CARMIL1: variants seen among roughly 807,000 people sequenced by gnomAD.
CARMIL1 encodes the protein F-actin-uncapping protein LRRC16A.
In CARMIL1, 90 loss-of-function variants were observed where a neutral mutation model predicts 177.1. The observed-to-expected ratio is 0.51, with a 90% CI of 0.43 to 0.61. The LOEUF (loss-of-function observed/expected upper bound fraction) is 0.61. CARMIL1 is among the 20% of genes least tolerant of loss of function. The probability of loss-of-function intolerance (pLI) is 0.00; values close to 1 mark genes in which losing one functional copy is unlikely to be tolerated. For synonymous variants in CARMIL1, 577 were observed against 606.2 expected (o/e 0.95, Z 0.71); for missense variants, 1,380 against 1,667.0 (o/e 0.83, Z 3.00).
intron 11 of CARMIL1, among the ~76,000 whole-genome samples, chr6:25,481,031 C>T (rs949962352): frequency 1.3e-5 from 2 of 151,460 alleles, no homozygotes; most frequent in African/African-American, 4.9e-5. Flanking sequence ...TCTTTTTTGC[C>T]TTTTAGATTA....
At chr6:25,302,205 C>G (rs1327267015) in intron 2 of CARMIL1, among the ~76,000 whole-genome samples, 1 of 152,154 alleles carries the variant, frequency 6.6e-6, no homozygotes, top group Admixed American at 6.5e-5. Flanking sequence ...CCTGTCTTTC[C>G]TATTAGAACC....
chr6:25,476,561 A>C (rs984551309), intron 11 of CARMIL1, among the ~76,000 whole-genome samples: 1 of 152,194 alleles, frequency 6.6e-6, no homozygotes, highest in East Asian at 1.9e-4. Flanking sequence ...ATACCTGAAG[A>C]TGATTGGTAG....
intron 32 of CARMIL1, among the ~76,000 whole-genome samples, chr6:25,599,431 G>C (rs925611941): frequency 3.3e-5 from 5 of 152,048 alleles, no homozygotes; most frequent in African/African-American, 1.2e-4. Flanking sequence ...TTTTAATGGC[G>C]ATTCAGGGGA....
At chr6:25,553,156 T>A (rs545643173) in intron 27 of CARMIL1, among the ~76,000 whole-genome samples, 6 of 152,204 alleles carry the variant, frequency 3.9e-5, no homozygotes, top group Non-Finnish European at 7.4e-5. Flanking sequence ...GTTACATGAA[T>A]ATATTTTCAA....
At position 25,554,108 on chromosome 6, in the gene CARMIL1, G is replaced by T. The variant is rs1810390849; in HGVS notation, c.2592+12G>T. 4 of 1,569,626 alleles carry T rather than the reference G, an allele frequency of 2.5e-6. No homozygotes were observed. In the African/African-American group the frequency reaches 5.4e-5, roughly 21 times the overall value. ...GCCATCATAAACTGGTGAGTGCTGT[G>T]CACATCTTGAGCAGGACCTCCTGTT... On this transcript the variant is annotated intron_variant, in intron 28 of 36. Transcript: ENST00000329474. The surrounding 1 kb of genome is among the most constrained non-coding windows in gnomAD (Gnocchi z 4.6).
At chr6:25,521,093 A>C (rs1762791341) in intron 23 of CARMIL1, among the ~76,000 whole-genome samples, 1 of 152,078 alleles carries the variant, frequency 6.6e-6, no homozygotes. Context: ...AAGATGGCTA[A>C]ATTTTAGAAA....
chr6:25,310,906 C>T (rs16890323), intron 2 of CARMIL1, among the ~76,000 whole-genome samples: 3,644 of 152,134 alleles, frequency 0.024, 128 homozygotes, highest in African/African-American at 0.082. Flanking sequence ...ATTAAAATGA[C>T]TTCTATAAAA....
intron 2 of CARMIL1, among the ~76,000 whole-genome samples, chr6:25,347,136 G>A (rs1313765132): frequency 1.3e-5 from 2 of 152,170 alleles, no homozygotes; most frequent in Non-Finnish European, 2.9e-5. Flanking sequence ...TCTCTAAGAG[G>A]CACTGATATC....
chr6:25,442,335 C>A (rs993073729), intron 5 of CARMIL1, among the ~76,000 whole-genome samples: 1 of 151,486 alleles, frequency 6.6e-6, no homozygotes. Context: ...AATGCTGAAT[C>A]AACGCTAGTG....
chr6:25,309,734 G>C (rs1330939522), intron 2 of CARMIL1, among the ~76,000 whole-genome samples: 1 of 148,766 alleles, frequency 6.7e-6, no homozygotes, highest in Non-Finnish European at 1.5e-5. Flanking sequence ...TATTATGGTT[G>C]AATGATATTC....
At chr6:25,505,851 C>G (rs1359757819) in intron 17 of CARMIL1, among the ~76,000 whole-genome samples, 1 of 121,178 alleles carries the variant, frequency 8.3e-6, no homozygotes, top group Non-Finnish European at 1.8e-5. Flanking sequence ...AACTTAGTCT[C>G]CTTCCAAATA....
intron 2 of CARMIL1, among the ~76,000 whole-genome samples, chr6:25,341,600 C>T (rs965585041): frequency 6.6e-6 from 1 of 152,190 alleles, no homozygotes; most frequent in Admixed American, 6.5e-5. Context: ...CGCCTGTAGT[C>T]CCAGCTACTT....
In CARMIL1 at chr6:25,528,873, G is replaced by A. The variant is rs757705507; in HGVS notation, c.2047G>A (p.Val683Ile). 99 of 1,609,254 alleles carry A rather than the reference G, an allele frequency of 6.2e-5. No homozygotes were observed. Among genetic ancestry groups the A allele is most frequent in the Non-Finnish European group, 5.0e-5 (59 of 1,177,804 alleles). Residue 683 changes from valine to isoleucine, a missense_variant, in exon 24 of 37, where the codon GTC (valine) becomes ATC (isoleucine). Physicochemically the swap from Val to Ile is conservative, Grantham distance 29. Coordinates refer to ENST00000329474, the MANE Select transcript of CARMIL1 (RefSeq NM_017640.6). ...GGCCTACCGCCTGCAGCAGGGTATT[G>A]TCACCAGCACCACCCAGCAGGTAAG... ...EQAYRLQQGI[V>I]TSTTQQMIDR...
intron 25 of CARMIL1, among the ~76,000 whole-genome samples, chr6:25,538,503 G>A (rs1808543166): frequency 6.6e-6 from 1 of 152,148 alleles, no homozygotes; most frequent in Non-Finnish European, 1.5e-5. Flanking sequence ...GATACAATAA[G>A]AGATGTATAT....
At chr6:25,441,215 A>T (rs1412245251) in intron 5 of CARMIL1, among the ~76,000 whole-genome samples, 1 of 151,760 alleles carries the variant, frequency 6.6e-6, no homozygotes, top group Non-Finnish European at 1.5e-5. Context: ...TGGGAGGATC[A>T]CTTGAGCCCA....
At chr6:25,307,753 G>A (rs1047735124) in intron 2 of CARMIL1, among the ~76,000 whole-genome samples, 7 of 152,188 alleles carry the variant, frequency 4.6e-5, no homozygotes, top group Middle Eastern at 3.2e-3. Context: ...GTTCTGTGCC[G>A]TGTTAGTCTT....
intron 17 of CARMIL1, among the ~76,000 whole-genome samples, chr6:25,507,812 A>G (rs1430797504): frequency 6.6e-6 from 1 of 152,182 alleles, no homozygotes; most frequent in Non-Finnish European, 1.5e-5. Context: ...TGCTCTAAAA[A>G]TCAAATTGTT....
intron 29 of CARMIL1, 41 bp from the exon 30 acceptor site, chr6:25,580,883 G>A (rs1233952907): frequency 1.4e-6 from 2 of 1,456,790 alleles, no homozygotes; most frequent in East Asian, 4.9e-5. Context: ...AGTTTTCTGT[G>A]GCTACCTAAG....
rs1044268215 is a variant in CARMIL1, at chr6:25,585,702, G to T, written c.3006+4263G>T. ...TAGGCAGAGGACCCTGCGGCCTTCC[G>T]CAGTGTTTGTGTCCCTGGGTACTTG... is the stretch of plus-strand genomic sequence containing the variant. On this transcript the variant is annotated intron_variant, in intron 31 of 36. Transcript: ENST00000329474. Among the ~76,000 whole-genome samples the T allele has an allele frequency of 2.6e-5, 4 of 152,236 alleles. No individual in the cohort carries two copies. In the South Asian group the frequency reaches 6.2e-4, roughly 24 times the overall value.
Sources: gnomAD v4.1 joint callset for allele counts (sites outside exome capture counted in the v4.1 genomes callset) on GRCh38, gnomAD v4.1.1 for gene constraint, Gnocchi (gnomAD v3.1) non-coding constraint, MANE v1.5 for transcripts, NCBI Gene and HGNC (gene_info 2026-07-23, HGNC 2026-07-21) for gene names.